CCDC102B: variants seen among roughly 807,000 people sequenced by gnomAD.
CCDC102B encodes the protein coiled-coil domain-containing protein 102B.
Under a neutral mutation model 57.4 loss-of-function variants are expected in CCDC102B, and 75 were observed. That is an observed-to-expected ratio of 1.31 (90% CI 1.08 to 1.58). The LOEUF (loss-of-function observed/expected upper bound fraction) is 1.58. Ranked by LOEUF, CCDC102B falls within the 40% of genes most tolerant of loss-of-function variation. The pLI is 0.00. For missense variants in CCDC102B, 636 were observed against 582.6 expected (o/e 1.09, Z -0.94); for synonymous variants, 206 against 201.9 (o/e 1.02, Z -0.17).
chr18:68,787,004 C>G (rs2035238003), intron 2 of CCDC102B, among the ~76,000 whole-genome samples: 1 of 151,904 alleles, frequency 6.6e-6, no homozygotes, highest in Non-Finnish European at 1.5e-5. Context: ...TACGTCCCAT[C>G]AATACCTAAT....
intron 2 of CCDC102B, among the ~76,000 whole-genome samples, chr18:68,746,486 C>CA (rs1314957974): frequency 2.6e-5 from 4 of 152,008 alleles, no homozygotes; most frequent in Non-Finnish European, 2.9e-5. Flanking sequence ...TGAGATTGCA[C>CA]AAAAAATGAC....
At chr18:68,739,271 A>G (rs1390055907) in intron 2 of CCDC102B, among the ~76,000 whole-genome samples, 1 of 152,176 alleles carries the variant, frequency 6.6e-6, no homozygotes, top group Admixed American at 6.5e-5. Context: ...GCTGAGATTA[A>G]CAGGCGTGAG....
chr18:68,886,331 G>A (rs1380896695), intron 5 of CCDC102B, among the ~76,000 whole-genome samples: 2 of 151,586 alleles, frequency 1.3e-5, no homozygotes, highest in East Asian at 1.9e-4. Context: ...TAAAATAAGG[G>A]TGATGATTTA....
chr18:69,010,847 T>G, intron 6 of CCDC102B, 87 bp from the exon 7 acceptor site: 1 of 941,376 alleles, frequency 1.1e-6, no homozygotes, highest in Admixed American at 3.1e-5. Flanking sequence ...CCTAAAATGT[T>G]TTTCTCTTTT....
rs2050395757 is a variant in CCDC102B at position 68,974,996 on chromosome 18, T to C, written c.1264-35938T>C. 7.9e-5 allele frequency among the ~76,000 whole-genome samples: 12 copies of C among 152,130 alleles called. No homozygotes were observed. In the South Asian group the frequency reaches 2.5e-3, roughly 32 times the overall value. ...AATTATTTATTTTAAAAATACCTTA[T>C]GTTGAAAGATACTTCTAAATGCTAC... On this transcript the variant is annotated intron_variant, in intron 6 of 7. Coordinates refer to ENST00000360242, the MANE Select transcript of CCDC102B (RefSeq NM_024781.3).
intron 2 of CCDC102B, among the ~76,000 whole-genome samples, chr18:68,727,639 C>A (rs182745598): frequency 2.0e-4 from 30 of 152,314 alleles, no homozygotes; most frequent in African/African-American, 6.3e-4. Flanking sequence ...GCAGGCCTAA[C>A]CTTTCTACCA....
intron 7 of CCDC102B, among the ~76,000 whole-genome samples, chr18:69,039,618 T>C (rs10503140): frequency 0.075 from 11,394 of 151,976 alleles, 701 homozygotes; most frequent in African/African-American, 0.16. Flanking sequence ...CTTTCTTATA[T>C]CCTCTTCAAT....
intron 6 of CCDC102B, among the ~76,000 whole-genome samples, chr18:68,949,055 G>A (rs11151475): frequency 0.56 from 85,674 of 151,836 alleles, 24,966 homozygotes; most frequent in East Asian, 0.98. Flanking sequence ...ACAAAGATGT[G>A]GGCTGGGAGG....
chr18:68,999,462 C>A, intron 6 of CCDC102B, among the ~76,000 whole-genome samples: 1 of 150,480 alleles, frequency 6.6e-6, no homozygotes, highest in African/African-American at 2.5e-5. Flanking sequence ...AAAAAAAAAC[C>A]CAGTATGGTG....
At chr18:68,825,644 C>G (rs763012146) in intron 1 of CCDC102B, among the ~76,000 whole-genome samples, 14 of 151,840 alleles carry the variant, frequency 9.2e-5, no homozygotes, top group Non-Finnish European at 4.4e-5. Flanking sequence ...GAGCCGAGAT[C>G]ACTCCACTCT....
intron 6 of CCDC102B, among the ~76,000 whole-genome samples, chr18:68,904,688 T>C (rs538356834): frequency 4.6e-5 from 7 of 152,130 alleles, no homozygotes; most frequent in South Asian, 2.1e-4. Flanking sequence ...CTCAAATGCA[T>C]GCACACACAC....
chr18:68,833,353 T>G (rs1386417737), intron 1 of CCDC102B, among the ~76,000 whole-genome samples: 1 of 150,918 alleles, frequency 6.6e-6, no homozygotes, highest in Non-Finnish European at 1.5e-5. Flanking sequence ...AGAACATTTT[T>G]GTAAATTTCA....
chr18:68,808,298 C>T (rs1446430661), intron 1 of CCDC102B, among the ~76,000 whole-genome samples: 1 of 151,810 alleles, frequency 6.6e-6, no homozygotes, highest in African/African-American at 2.4e-5. Context: ...TTCTACAAAT[C>T]AGATTACAGT....
chr18:68,726,210 T>G (rs946825386), intron 2 of CCDC102B, among the ~76,000 whole-genome samples: 7 of 152,338 alleles, frequency 4.6e-5, no homozygotes, highest in African/African-American at 1.2e-4. Context: ...TTCCTCCGAC[T>G]GAGTGAAATT....
In CCDC102B at chr18:68,803,880, A is replaced by C. The variant is rs557980944; in HGVS notation, c.-16+5699A>C. 5.3e-5 allele frequency among the ~76,000 whole-genome samples: 8 copies of C among 152,338 alleles called. No individual in the cohort carries two copies. In the East Asian group the frequency reaches 1.3e-3, roughly 26 times the overall value. On this transcript the variant is annotated intron_variant, in intron 1 of 7. Coordinates refer to ENST00000360242, the MANE Select transcript of CCDC102B (RefSeq NM_024781.3). ...TGGTTTATGTTTAGATCATGACAAC[A>C]TCATAAACTACAACCACTTTATTCT...
At chr18:68,748,990 A>G (rs659655) in intron 2 of CCDC102B, among the ~76,000 whole-genome samples, 149,121 of 152,188 alleles carry the variant, frequency 0.98, 73,103 homozygotes, top group East Asian at 1. Flanking sequence ...AGCTTTCTAC[A>G]TATGGCTAGC....
At chr18:68,725,179 C>T (rs2032537872) in intron 2 of CCDC102B, among the ~76,000 whole-genome samples, 1 of 152,068 alleles carries the variant, frequency 6.6e-6, no homozygotes, top group Non-Finnish European at 1.5e-5. Flanking sequence ...CTGGTCCTGC[C>T]CTTGACATAT....
intron 6 of CCDC102B, among the ~76,000 whole-genome samples, chr18:68,985,057 A>G: frequency 6.6e-6 from 1 of 152,110 alleles, no homozygotes; most frequent in East Asian, 1.9e-4. Flanking sequence ...TTTTATTTCA[A>G]TGGAAAAATA....
Position 68,751,981 on chromosome 18 carries a change from G to A in CCDC102B, c.-67+35387G>A, listed in dbSNP as rs77709526. 3.9e-3 allele frequency among the ~76,000 whole-genome samples: 592 copies of A among 152,254 alleles called. 2 individuals carry two copies. Among genetic ancestry groups the A allele is most frequent in the Non-Finnish European group, 6.5e-3 (445 of 68,010 alleles). On this transcript the variant is annotated intron_variant, in intron 2 of 3. Transcript: ENST00000578970. Reference sequence around the variant, plus strand: ...GAAAAAAAGACAGAAACGCATCAAGGTCGGGCATGGTAACTCACGCCTATA... The same window carrying A: ...GAAAAAAAGACAGAAACGCATCAAGATCGGGCATGGTAACTCACGCCTATA...
Sources: allele counts gnomAD v4.1 joint callset (sites outside exome capture counted in the v4.1 genomes callset), GRCh38; gene constraint gnomAD v4.1.1; transcripts MANE v1.5; gene names NCBI Gene and HGNC (gene_info 2026-07-23, HGNC 2026-07-21).